Variants in SEC14L5 observed in about 807,000 individuals in gnomAD.
The protein encoded by SEC14L5 is SEC14-like protein 5.
A neutral mutation model predicts 84.6 loss-of-function variants in SEC14L5; 96 were observed. The observed-to-expected ratio is 1.13, with a 90% CI of 0.96 to 1.34. SEC14L5 has a LOEUF of 1.34. SEC14L5 is among the 40% of genes most tolerant of loss of function. The pLI is 0.00. For synonymous variants in SEC14L5, 546 were observed against 383.4 expected, an observed-to-expected ratio of 1.42 and a Z score of -4.95; for missense variants, 1,224 against 942.5, an observed-to-expected ratio of 1.30 and a Z score of -3.91.
At chr16:4,982,662 C>G (rs1596623752) in intron 2 of SEC14L5, among the ~76,000 whole-genome samples, 1 of 152,190 alleles carries the variant, frequency 6.6e-6, no homozygotes, top group East Asian at 1.9e-4. Flanking sequence ...GTGCTCGTGG[C>G]CAAATCCTGT....
intron 4 of SEC14L5, among the ~76,000 whole-genome samples, chr16:4,989,063 G>A (rs566451988): frequency 8.5e-5 from 13 of 152,246 alleles, no homozygotes; most frequent in Admixed American, 6.5e-4. Flanking sequence ...GGTGGGAACA[G>A]CATGAGTGAG....
chr16:4,996,906 C>T lies in SEC14L5; in HGVS notation c.832C>T (p.Leu278=), dbSNP rs1275783527. The change falls in exon 8 of 16, where the codon CTG becomes TTG. Residue 278 remains leucine (L), a synonymous_variant. Transcript: ENST00000251170. ...GTTCCTGCGGGCTCATGACTTCCACCTGGACAAGGCCCGGGAAATGCTGCG... is the reference window on the plus strand; with the variant it reads ...GTTCCTGCGGGCTCATGACTTCCACTTGGACAAGGCCCGGGAAATGCTGCG... ...LRFLRAHDFH[L]DKAREMLRQS... The T allele has an allele frequency of 6.2e-7, 1 of 1,613,798 alleles. No individual in the cohort carries two copies.
chr16:4,970,616 G>C (rs545688968), intron 2 of SEC14L5, among the ~76,000 whole-genome samples: 1 of 152,186 alleles, frequency 6.6e-6, no homozygotes, highest in Non-Finnish European at 1.5e-5. Flanking sequence ...AGGGGAACCA[G>C]CTGATCCTAG....
intron 2 of SEC14L5, among the ~76,000 whole-genome samples, chr16:4,980,578 G>A (rs1955410216): frequency 1.3e-5 from 2 of 152,158 alleles, no homozygotes; most frequent in Non-Finnish European, 2.9e-5. Flanking sequence ...TTCTTTGCTG[G>A]TTAGCATTGT....
rs1347930177 is a variant in SEC14L5 at position 5,015,458 on chromosome 16, C to G, written c.*488C>G. ...GGGGGAGCGATTGCCAGGTCAATTCCTGAACCAATCACAGTTGCCAGGCAC... is the reference window on the plus strand; with the variant it reads ...GGGGGAGCGATTGCCAGGTCAATTCGTGAACCAATCACAGTTGCCAGGCAC... On this transcript the variant is annotated 3_prime_UTR_variant, in exon 16 of 16. Transcript: ENST00000251170. 1.9e-5 allele frequency: 3 copies of G among 159,202 alleles called. No homozygotes were observed. The highest frequency in any genetic ancestry group is 7.2e-5 in the African/African-American group (3 of 41,666). 9.9% of individuals were successfully genotyped at this position (159,202 alleles called of 1,614,324 possible).
Position 4,987,534 on chromosome 16 carries a change from G to T in SEC14L5, c.64-23G>T, listed in dbSNP as rs372758375. ...TCCCTCTGCCCCCCCCACCACGGCC[G>T]CTCACTGCCGCTCTGCCCCCAGGCC... On this transcript the variant is annotated intron_variant, in intron 2 of 15. Coordinates refer to ENST00000251170, the MANE Select transcript of SEC14L5 (RefSeq NM_014692.2). 1.2e-4 allele frequency: 175 copies of T among 1,461,352 alleles called. No homozygotes were observed. The African/African-American group carries it at 2.3e-3, about 19-fold the overall frequency. The allele number at this position is 1,461,352 out of a possible 1,614,324, so 90.5% of individuals were successfully genotyped here.
At chr16:4,990,921 T>C (rs935149465) in intron 5 of SEC14L5, 26 bp downstream of exon 5, 3 of 1,533,160 alleles carry the variant, frequency 2.0e-6, no homozygotes, top group African/African-American at 2.8e-5. Context: ...CGTTAGTTAC[T>C]GGAGGAAGGT....
rs1216974064 is a variant in SEC14L5, at chr16:5,014,908, A to C, written c.2029A>C (p.Ser677Arg). 6.2e-6 allele frequency: 10 copies of C among 1,613,382 alleles called. No individual in the cohort carries two copies. The highest frequency in any genetic ancestry group is 8.5e-6 in the Non-Finnish European group (10 of 1,179,852). ...ESCTSGFSQL[S>R]AATSSSSSGQ... is the part of the protein sequence containing the mutation. ...CTGCACCAGCGGCTTCTCCCAGCTC[A>C]GCGCCGCCACCTCGTCCTCCTCCTC... The change falls in exon 16 of 16, where the codon AGC (serine) becomes CGC (arginine). Residue 677 changes from serine (S) to arginine (R), a missense_variant. Physicochemically the swap from Ser to Arg is moderately radical, Grantham distance 110. Coordinates refer to ENST00000251170, the MANE Select transcript of SEC14L5 (RefSeq NM_014692.2).
intron 15 of SEC14L5, among the ~76,000 whole-genome samples, chr16:5,014,385 A>G (rs1007028321): frequency 1.6e-4 from 24 of 152,238 alleles, no homozygotes; most frequent in Admixed American, 2.6e-4. Flanking sequence ...CCCCGTCTCT[A>G]TACAAGAAAA....
At chr16:4,994,927 C>G (rs944530144) in intron 6 of SEC14L5, among the ~76,000 whole-genome samples, 2 of 152,124 alleles carry the variant, frequency 1.3e-5, no homozygotes, top group Admixed American at 1.3e-4. Context: ...TGCCCGGGGC[C>G]GGAAGGATGC....
chr16:5,003,653 C>A, intron 11 of SEC14L5, 80 bp downstream of exon 11: 1 of 923,854 alleles, frequency 1.1e-6, no homozygotes, highest in East Asian at 2.5e-5. Flanking sequence ...CAGCTCTGCT[C>A]TCTTTTCCTG....
At chr16:4,991,162 CTTTTTTTTTT>C (rs35980290) in intron 5 of SEC14L5, among the ~76,000 whole-genome samples, 1 of 85,476 alleles carries the variant, frequency 1.2e-5, no homozygotes, top group East Asian at 3.6e-4. Context: ...TTCTGTGGTG[CTTTTTTTTTT>C]TTTTTTTTTT....
At chr16:4,962,902 T>C (rs1955143790) in intron 2 of SEC14L5, among the ~76,000 whole-genome samples, 1 of 152,182 alleles carries the variant, frequency 6.6e-6, no homozygotes, top group African/African-American at 2.4e-5. Flanking sequence ...TAACTCAACG[T>C]AACTTGCACA....
At chr16:4,980,349 C>T (rs1955406420) in intron 2 of SEC14L5, among the ~76,000 whole-genome samples, 3 of 152,164 alleles carry the variant, frequency 2.0e-5, no homozygotes, top group Non-Finnish European at 2.9e-5. Flanking sequence ...CCTTCCTTTC[C>T]TTTCGAAGTC....
intron 2 of SEC14L5, among the ~76,000 whole-genome samples, chr16:4,969,126 A>G (rs962849694): frequency 3.3e-5 from 5 of 152,236 alleles, no homozygotes; most frequent in Non-Finnish European, 7.3e-5. Context: ...TTCTACCTTG[A>G]ATGCTGCTCT....
At chr16:4,970,526 C>T (rs773010265) in intron 2 of SEC14L5, among the ~76,000 whole-genome samples, 11 of 152,278 alleles carry the variant, frequency 7.2e-5, no homozygotes, top group Middle Eastern at 3.4e-3. Flanking sequence ...TTCCCCTCTG[C>T]GCAAAATCCT....
chr16:4,959,269 C>T lies in SEC14L5; in HGVS notation c.-51-4C>T. On this transcript the variant is annotated splice_region_variant and splice_polypyrimidine_tract_variant and intron_variant, in intron 1 of 15. Coordinates refer to ENST00000251170, the MANE Select transcript of SEC14L5 (RefSeq NM_014692.2). ...GCAACCTCACCAGTCACTCCTCGCC[C>T]CAGGCTCTGTGCACACCCCTGCCTG... The T allele has an allele frequency of 7.0e-7, 1 of 1,432,164 alleles. No individual in the cohort carries two copies. The highest frequency in any genetic ancestry group is 9.9e-7 in the Non-Finnish European group (1 of 1,014,344). The allele number at this position is 1,432,164 out of a possible 1,614,324, so 88.7% of individuals were successfully genotyped here.
In SEC14L5 at chr16:5,008,571, G is replaced by A. The variant is rs777800604; in HGVS notation, c.1723G>A (p.Asp575Asn). The A allele has an allele frequency of 1.6e-5, 26 of 1,607,640 alleles. No homozygotes were observed. In the Middle Eastern group the frequency reaches 6.7e-4, roughly 41 times the overall value. ...GACCAGGGCCAGCGGGCAGCTGATC[G>A]ACAAAGGCTGGGTCCTGGGCAGGGA... ...PGTRASGQLI[D>N]KGWVLGRDYS... is the part of the protein sequence containing the mutation. Residue 575 changes from aspartate (D) to asparagine (N), a missense_variant, in exon 14 of 16, where the codon GAC becomes AAC. Asp to Asn is a conservative substitution (Grantham distance 23). Coordinates refer to ENST00000251170, the MANE Select transcript of SEC14L5 (RefSeq NM_014692.2).
At chr16:5,003,763 G>C (rs1182370587) in intron 11 of SEC14L5, among the ~76,000 whole-genome samples, 190 bp downstream of exon 11, 1 of 152,212 alleles carries the variant, frequency 6.6e-6, no homozygotes, top group African/African-American at 2.4e-5. Context: ...TATTCACTGA[G>C]TTAAGCAATT....
Sources: allele counts gnomAD v4.1 joint callset (sites outside exome capture counted in the v4.1 genomes callset), GRCh38; gene constraint gnomAD v4.1.1; transcripts MANE v1.5; gene names NCBI Gene and HGNC (gene_info 2026-07-23, HGNC 2026-07-21).